DDB2: variants seen among roughly 807,000 people sequenced by gnomAD.
DDB2 encodes the protein damage specific DNA binding protein 2, also known as DNA damage-binding protein 2.
Under a neutral mutation model 50.5 loss-of-function variants are expected in DDB2, and 27 were observed. The ratio of observed to expected loss-of-function variants is 0.53; its 90% CI spans 0.39 to 0.74. The LOEUF is 0.74. Among genes scored for constraint, DDB2 ranks in the 30% least tolerant of loss-of-function variants. The pLI, the probability that DDB2 is intolerant of heterozygous loss-of-function variation, is 0.00. For missense variants in DDB2, 424 were observed against 545.6 expected, an observed-to-expected ratio of 0.78 and a Z score of 2.22; for synonymous variants, 176 against 205.5, an observed-to-expected ratio of 0.86 and a Z score of 1.23.
Position 47,237,966 on chromosome 11 carries a change from C to T in DDB2, c.1153C>T (p.Gln385Ter). The change falls in exon 8 of 10, where the codon CAG (glutamine) becomes TAG (stop). Residue 385 changes from glutamine to a stop codon, truncating the protein, a stop_gained. Transcript: ENST00000256996. LOFTEE classifies it high-confidence loss of function. The stretch of plus-strand genomic sequence containing the variant: ...TGGAAACTCAGGGAAGATGATGTGT[C>T]AGCTCTATGACCCAGAATCTTCTGG... ...FDGNSGKMMC[Q>*]LYDPESSGIS... 3 of 1,614,180 alleles carry T rather than the reference C, an allele frequency of 1.9e-6. No homozygotes were observed. The highest frequency in any genetic ancestry group is 2.5e-6 in the Non-Finnish European group (3 of 1,180,040).
At chr11:47,221,680 G>A (rs904973685) in intron 3 of DDB2, 3 of 152,178 alleles carry the variant, frequency 2.0e-5, no homozygotes, top group Non-Finnish European at 4.4e-5. Context: ...CCTGGCCTAA[G>A]GTGATCCACC....
chr11:47,227,339 T>G (rs933675987), intron 3 of DDB2, among the ~76,000 whole-genome samples: 2 of 151,800 alleles, frequency 1.3e-5, no homozygotes, highest in Admixed American at 6.6e-5. Flanking sequence ...ACTCCTGACC[T>G]CAGGTGATCT....
At chr11:47,232,731 G>A in intron 3 of DDB2, 83 bp from the exon 4 acceptor site, 3 of 1,518,618 alleles carry the variant, frequency 2.0e-6, no homozygotes, top group Non-Finnish European at 2.7e-6. Flanking sequence ...GTGCTTCTGT[G>A]ACGGCGCAGC....
chr11:47,229,810 T>G (rs1018112966), intron 3 of DDB2: 3 of 409,534 alleles, frequency 7.3e-6, no homozygotes, highest in Non-Finnish European at 1.4e-5. Context: ...CTTAATTTGA[T>G]GGCTCTTCTT....
chr11:47,232,259 G>A (rs1052446734), intron 3 of DDB2, among the ~76,000 whole-genome samples: 2 of 151,998 alleles, frequency 1.3e-5, no homozygotes, highest in African/African-American at 4.8e-5. Flanking sequence ...CAGGAGAATC[G>A]CTTGAACCTG....
intron 3 of DDB2, among the ~76,000 whole-genome samples, chr11:47,231,667 C>T (rs1391676194): frequency 6.6e-6 from 1 of 152,118 alleles, no homozygotes; most frequent in Non-Finnish European, 1.5e-5. Context: ...GAACCACATG[C>T]ACCTACCACC....
At chr11:47,231,550 G>A (rs1246521482) in intron 3 of DDB2, among the ~76,000 whole-genome samples, 1 of 151,992 alleles carries the variant, frequency 6.6e-6, no homozygotes, top group African/African-American at 2.4e-5. Flanking sequence ...TAGAGACAGG[G>A]TCTTGCTCTG....
At chr11:47,231,701 G>A (rs747323551) in intron 3 of DDB2, among the ~76,000 whole-genome samples, 1 of 152,054 alleles carries the variant, frequency 6.6e-6, no homozygotes, top group South Asian at 2.1e-4. Flanking sequence ...TTTTGTGTGT[G>A]TAGAGATGGG....
intron 7 of DDB2, among the ~76,000 whole-genome samples, chr11:47,236,682 A>G (rs1287949378): frequency 6.6e-6 from 1 of 152,282 alleles, no homozygotes; most frequent in African/African-American, 2.4e-5. Flanking sequence ...GCACCTGGTA[A>G]GTACTGGTAA....
chr11:47,236,709 G>T (rs1953730437), intron 7 of DDB2, among the ~76,000 whole-genome samples: 1 of 152,210 alleles, frequency 6.6e-6, no homozygotes, highest in Non-Finnish European at 1.5e-5. Flanking sequence ...AATAAATGAT[G>T]ATTGAATATT....
intron 4 of DDB2, 84 bp from the exon 5 acceptor site, chr11:47,234,489 T>G (rs1953694216): frequency 9.8e-7 from 1 of 1,021,692 alleles, no homozygotes; most frequent in African/African-American, 1.6e-5. Flanking sequence ...ATGCCCGCTG[T>G]GGGTTAGTCA....
At position 47,234,766 on chromosome 11, in the gene DDB2, C is replaced by A; in HGVS notation, c.712C>A (p.Leu238Ile). ...LNMDGKELWN[L>I]RMHKKKVTHV... ...GAGCTCTTCTCTGCAGCTTTGGAAT[C>A]TCAGAATGCACAAAAAGAAAGTGAC... is the stretch of plus-strand genomic sequence containing the variant. Residue 238 changes from leucine (L) to isoleucine (I), a missense_variant, in exon 6 of 10, where the codon CTC becomes ATC. Coordinates refer to ENST00000256996, the MANE Select transcript of DDB2 (RefSeq NM_000107.3). 6.2e-7 allele frequency: 1 copy of A among 1,614,192 alleles called. No individual in the cohort carries two copies. Among genetic ancestry groups the A allele is most frequent in the Non-Finnish European group, 8.5e-7 (1 of 1,180,032 alleles).
intron 3 of DDB2, among the ~76,000 whole-genome samples, chr11:47,232,370 G>A (rs1041882804): frequency 6.6e-6 from 1 of 151,596 alleles, no homozygotes; most frequent in Non-Finnish European, 1.5e-5. Flanking sequence ...GAAATGAAGG[G>A]GCCAGACAAA....
rs533719031 is a variant in DDB2 at position 47,217,200 on chromosome 11, A to G, written c.456+151A>G. The G allele has an allele frequency of 1.5e-5, 10 of 645,882 alleles. No homozygotes were observed. The East Asian group carries it at 2.8e-4, about 18-fold the overall frequency. The allele number at this position is 645,882 out of a possible 1,614,324, so 40.0% of individuals were successfully genotyped here. On this transcript the variant is annotated intron_variant, in intron 3 of 9. Transcript: ENST00000256996. ...AGACCAGCCTGGCCAACATGGTGAA[A>G]CCCCGTCTCTACTAAAAATACAAAA...
chr11:47,233,241 C>T (rs756577985), intron 4 of DDB2: 10 of 475,284 alleles, frequency 2.1e-5, no homozygotes, highest in Admixed American at 1.3e-4. Context: ...GCCAGCATGG[C>T]GTGGACCCAG....
At chr11:47,222,335 T>A (rs1332457310) in intron 3 of DDB2, among the ~76,000 whole-genome samples, 1 of 152,198 alleles carries the variant, frequency 6.6e-6, no homozygotes, top group East Asian at 1.9e-4. Flanking sequence ...ATGTGTAGTT[T>A]TTTTTTTCTT....
chr11:47,227,571 C>T (rs915039749), intron 3 of DDB2, among the ~76,000 whole-genome samples: 2 of 149,954 alleles, frequency 1.3e-5, no homozygotes, highest in Admixed American at 6.7e-5. Context: ...AGTGCAATGG[C>T]GCAATCTTGG....
intron 3 of DDB2, among the ~76,000 whole-genome samples, chr11:47,218,880 T>C (rs1953441090): frequency 6.6e-6 from 1 of 152,282 alleles, no homozygotes; most frequent in South Asian, 2.1e-4. Flanking sequence ...TTAAATGTCA[T>C]ATATCTTGAG....
chr11:47,233,057 G>C, intron 4 of DDB2, 98 bp downstream of exon 4: 1 of 1,364,500 alleles, frequency 7.3e-7, no homozygotes, highest in Non-Finnish European at 1.0e-6. Context: ...CCTGGCCCAG[G>C]GAAGAAAGGA....
Sources: allele counts gnomAD v4.1 joint callset (sites outside exome capture counted in the v4.1 genomes callset), GRCh38; gene constraint gnomAD v4.1.1; transcripts MANE v1.5; gene names NCBI Gene and HGNC (gene_info 2026-07-23, HGNC 2026-07-21).